Variants in NTPCR observed in about 807,000 individuals in gnomAD.
The protein encoded by NTPCR is cancer-related nucleoside-triphosphatase.
NTPCR carries 15 observed loss-of-function variants against 19.5 expected under a neutral mutation model. The observed-to-expected ratio is 0.77, with a 90% CI of 0.51 to 1.18. NTPCR has a LOEUF of 1.18. NTPCR is among the 50% of genes most tolerant of loss of function. NTPCR has a pLI of 0.00. For synonymous variants in NTPCR, 90 were observed against 95.8 expected (o/e 0.94, Z 0.36); for missense variants, 206 against 240.4 (o/e 0.86, Z 0.95).
At chr1:232,977,985 C>T (rs1669173636) in intron 4 of NTPCR, among the ~76,000 whole-genome samples, 178 bp from the exon 5 acceptor site, 1 of 152,240 alleles carries the variant, frequency 6.6e-6, no homozygotes, top group Non-Finnish European at 1.5e-5. Flanking sequence ...GATGCTGGGA[C>T]TCGGTGATTC....
intron 3 of NTPCR, among the ~76,000 whole-genome samples, chr1:232,957,264 G>T (rs1668537744): frequency 6.6e-6 from 1 of 152,130 alleles, no homozygotes; most frequent in Admixed American, 6.5e-5. Flanking sequence ...GTTTGTGAAT[G>T]ATTCGTATTA....
At chr1:232,963,037 G>C (rs1003021882) in intron 3 of NTPCR, 4 of 152,192 alleles carry the variant, frequency 2.6e-5, no homozygotes, top group Non-Finnish European at 5.9e-5. Flanking sequence ...CCTCAGCATT[G>C]CTAGAATTTC....
intron 3 of NTPCR, chr1:232,962,352 T>C (rs1668690386): frequency 6.6e-6 from 1 of 152,208 alleles, no homozygotes; most frequent in Non-Finnish European, 1.5e-5. Flanking sequence ...AAAACATGTT[T>C]CTCTTTCTCC....
intron 4 of NTPCR, among the ~76,000 whole-genome samples, chr1:232,974,066 AC>A (rs1669059427): frequency 6.6e-6 from 1 of 152,218 alleles, no homozygotes; most frequent in Non-Finnish European, 1.5e-5. Context: ...TTTTCAGTGA[AC>A]CCCAAGAGGA....
intron 3 of NTPCR, chr1:232,967,695 C>T (rs763867376): frequency 6.6e-6 from 1 of 152,214 alleles, no homozygotes; most frequent in Non-Finnish European, 1.5e-5. Context: ...TGCATGTGTA[C>T]ACACATTCTT....
At position 232,978,229 on chromosome 1, in the gene NTPCR, T is replaced by A; in HGVS notation, c.571T>A (p.Ter191ArgextTer9). 1 of 1,613,818 alleles carries A rather than the reference T, an allele frequency of 6.2e-7. No individual in the cohort carries two copies. The highest frequency in any genetic ancestry group is 8.5e-7 in the Non-Finnish European group (1 of 1,179,754). The change falls in exon 5 of 5, where the codon TGA becomes AGA. Residue 191 changes from the stop codon to arginine, a stop_lost. Transcript: ENST00000366628. ...IVTCVQSSRK[*>R] ...GACGTGCGTGCAGAGCAGCAGGAAGTGAAGACACGTGCATTCCTGCCTTCC... is the reference window on the plus strand; with the variant it reads ...GACGTGCGTGCAGAGCAGCAGGAAGAGAAGACACGTGCATTCCTGCCTTCC...
At chr1:232,972,120 TC>T (rs1382315009) in intron 4 of NTPCR, among the ~76,000 whole-genome samples, 4 of 152,166 alleles carry the variant, frequency 2.6e-5, no homozygotes, top group Non-Finnish European at 5.9e-5. Context: ...CCACATTTCT[TC>T]CGCTCTCTGA....
chr1:232,968,160 A>T (rs754414623), intron 3 of NTPCR: 4 of 152,168 alleles, frequency 2.6e-5, no homozygotes, highest in Non-Finnish European at 5.9e-5. Context: ...TACCTGCCCT[A>T]AGTGGGGAGA....
intron 1 of NTPCR, among the ~76,000 whole-genome samples, chr1:232,954,617 C>T (rs1435728079): frequency 6.6e-6 from 1 of 152,190 alleles, no homozygotes; most frequent in Non-Finnish European, 1.5e-5. Flanking sequence ...GGTAAAATAC[C>T]TAACCACCAT....
intron 3 of NTPCR, chr1:232,964,971 C>T (rs1405637391): frequency 6.6e-6 from 1 of 152,146 alleles, no homozygotes; most frequent in African/African-American, 2.4e-5. Flanking sequence ...CCACCGTCTT[C>T]TCGGGGTGTG....
At chr1:232,969,827 G>A in intron 3 of NTPCR, 82 bp from the exon 4 acceptor site, 2 of 1,139,148 alleles carry the variant, frequency 1.8e-6, no homozygotes, top group Non-Finnish European at 2.6e-6. Context: ...TACCTCATTG[G>A]TGAGTGATTG....
Position 232,950,627 on chromosome 1 carries a change from G to A in NTPCR, c.-84G>A, listed in dbSNP as rs1161006970. 1 of 1,164,802 alleles carries A rather than the reference G, an allele frequency of 8.6e-7. No individual in the cohort carries two copies. Among genetic ancestry groups the A allele is most frequent in the Non-Finnish European group, 1.3e-6 (1 of 783,924 alleles). 72.2% of individuals were successfully genotyped at this position (1,164,802 alleles called of 1,614,324 possible). ...ACACGCGGTGGGCGGGTCCTGAGTCGCGACCCTGGTCCGGACCTGACCTGA... is the reference window on the plus strand; with the variant it reads ...ACACGCGGTGGGCGGGTCCTGAGTCACGACCCTGGTCCGGACCTGACCTGA... On this transcript the variant is annotated 5_prime_UTR_variant, in exon 1 of 5. Transcript: ENST00000366628.
At chr1:232,954,017 A>G (rs141386971) in intron 1 of NTPCR, among the ~76,000 whole-genome samples, 4 of 152,286 alleles carry the variant, frequency 2.6e-5, no homozygotes, top group Non-Finnish European at 5.9e-5. Context: ...TGTATTGTTG[A>G]TGTTTCCTGA....
chr1:232,972,508 C>A (rs1669012165), intron 4 of NTPCR, among the ~76,000 whole-genome samples: 1 of 152,044 alleles, frequency 6.6e-6, no homozygotes, highest in African/African-American at 2.4e-5. Flanking sequence ...CTCACTGCAT[C>A]CTCTGCCTCC....
At position 232,979,398 on chromosome 1, in the gene NTPCR, G is replaced by A. The variant is rs1315288764; in HGVS notation, c.*1167G>A. ...GTGAGGAGCCCTGGGCTGGGCACTG[G>A]GGCACAGTGAATGGGGCGGGAGGGG... On this transcript the variant is annotated 3_prime_UTR_variant, in exon 5 of 5. Transcript: ENST00000366628. This position sits in a 1 kb window ranked among gnomAD's most constrained non-coding sequence, Gnocchi z 5.3. 1 of 152,278 alleles carries A rather than the reference G, an allele frequency of 6.6e-6. No homozygotes were observed. Among genetic ancestry groups the A allele is most frequent in the Admixed American group, 6.5e-5 (1 of 15,280 alleles). 9.4% of individuals were successfully genotyped at this position (152,278 alleles called of 1,614,324 possible).
chr1:232,976,181 G>C, intron 4 of NTPCR: 1 of 729,336 alleles, frequency 1.4e-6, no homozygotes, highest in Non-Finnish European at 2.0e-6. Context: ...TATTTATGGG[G>C]TACAGTGTGA....
At chr1:232,978,062 C>T (rs1669191594) in intron 4 of NTPCR, 101 bp from the exon 5 acceptor site, 1 of 950,910 alleles carries the variant, frequency 1.1e-6, no homozygotes, top group African/African-American at 1.6e-5. Flanking sequence ...ATACCTCACC[C>T]TCTCCCAGCC....
rs756347881 is a variant in NTPCR, at chr1:232,950,698, C to G, written c.-13C>G. 1 of 1,605,962 alleles carries G rather than the reference C, an allele frequency of 6.2e-7. No homozygotes were observed. Among genetic ancestry groups the G allele is most frequent in the Admixed American group, 1.7e-5 (1 of 59,618 alleles). Reference sequence around the variant, plus strand: ...TGCTCCCCTGACCGCAACCCCTACCCCCGCCCACCAGTATGGCCCGGCACG... The same window carrying G: ...TGCTCCCCTGACCGCAACCCCTACCGCCGCCCACCAGTATGGCCCGGCACG... On this transcript the variant is annotated 5_prime_UTR_variant, in exon 1 of 5. Transcript: ENST00000366628.
chr1:232,975,026 A>G (rs1669088323), intron 4 of NTPCR, among the ~76,000 whole-genome samples: 1 of 152,206 alleles, frequency 6.6e-6, no homozygotes, highest in African/African-American at 2.4e-5. Context: ...TTGTATCCCA[A>G]TGAGTGTGTC....
Sources: gnomAD v4.1 joint callset for allele counts (sites outside exome capture counted in the v4.1 genomes callset) on GRCh38, gnomAD v4.1.1 for gene constraint, Gnocchi (gnomAD v3.1) non-coding constraint, MANE v1.5 for transcripts, NCBI Gene and HGNC (gene_info 2026-07-23, HGNC 2026-07-21) for gene names.